PTPDC1: variants seen among roughly 807,000 people sequenced by gnomAD.
The protein encoded by PTPDC1 is protein tyrosine phosphatase domain containing 1, also known as protein tyrosine phosphatase domain-containing protein 1.
Under a neutral mutation model 75.3 loss-of-function variants are expected in PTPDC1, and 53 were observed. That is an observed-to-expected ratio of 0.70 (90% CI 0.56 to 0.88). The LOEUF (loss-of-function observed/expected upper bound fraction) is 0.88, where lower values mean the gene tolerates loss of function less well. Ranked by LOEUF, PTPDC1 falls within the 40% of genes least tolerant of loss-of-function variation. PTPDC1 has a pLI of 0.00. For synonymous variants in PTPDC1, 349 were observed against 366.2 expected (o/e 0.95, Z 0.54); for missense variants, 925 against 998.6 (o/e 0.93, Z 0.99).
chr9:94,068,136 T>C (rs1826380135), intron 2 of PTPDC1, among the ~76,000 whole-genome samples: 1 of 152,172 alleles, frequency 6.6e-6, no homozygotes, highest in Non-Finnish European at 1.5e-5. Flanking sequence ...ATGCCCAGGC[T>C]GTATGATTGT....
chr9:94,035,457 A>G (rs1180735417), intron 1 of PTPDC1, among the ~76,000 whole-genome samples: 2 of 152,214 alleles, frequency 1.3e-5, no homozygotes, highest in African/African-American at 4.8e-5. Context: ...TTCACTTTGC[A>G]TAATGGTCTC....
chr9:94,059,192 A>C (rs1826053656), intron 1 of PTPDC1, among the ~76,000 whole-genome samples: 1 of 152,358 alleles, frequency 6.6e-6, no homozygotes, highest in South Asian at 2.1e-4. Context: ...ATGTGTTCAC[A>C]GATTATATGT....
intron 1 of PTPDC1, among the ~76,000 whole-genome samples, chr9:94,049,073 C>T (rs1454968846): frequency 6.6e-6 from 1 of 152,066 alleles, no homozygotes. Context: ...CTTCCTCCAT[C>T]CTTTTATTTT....
chr9:94,069,602 C>T (rs1826441256), intron 2 of PTPDC1, among the ~76,000 whole-genome samples: 1 of 149,082 alleles, frequency 6.7e-6, no homozygotes, highest in South Asian at 2.1e-4. Context: ...CTCACTGTAA[C>T]CTCCGCCTCC....
At chr9:94,059,142 C>T (rs933258927) in intron 1 of PTPDC1, among the ~76,000 whole-genome samples, 3 of 151,986 alleles carry the variant, frequency 2.0e-5, no homozygotes, top group Non-Finnish European at 4.4e-5. Flanking sequence ...TTACTTAAAG[C>T]GTCACATAGT....
intron 1 of PTPDC1, among the ~76,000 whole-genome samples, chr9:94,048,742 T>G (rs1341889530): frequency 5.3e-5 from 8 of 152,238 alleles, no homozygotes; most frequent in Non-Finnish European, 8.8e-5. Flanking sequence ...AGAGCTCAGT[T>G]CAATTCCTGG....
intron 2 of PTPDC1, among the ~76,000 whole-genome samples, chr9:94,065,548 C>T (rs1375958642): frequency 1.3e-5 from 2 of 152,222 alleles, no homozygotes; most frequent in East Asian, 3.8e-4. Flanking sequence ...GAGTAAGGGT[C>T]TAACTAAAGG....
chr9:94,048,142 T>G (rs1825673770), intron 1 of PTPDC1, among the ~76,000 whole-genome samples: 1 of 152,238 alleles, frequency 6.6e-6, no homozygotes, highest in Non-Finnish European at 1.5e-5. Flanking sequence ...TTGTTGATCT[T>G]TTCAAAAAAC....
At chr9:94,048,414 TC>T (rs1236589361) in intron 1 of PTPDC1, among the ~76,000 whole-genome samples, 1 of 152,110 alleles carries the variant, frequency 6.6e-6, no homozygotes, top group Non-Finnish European at 1.5e-5. Flanking sequence ...GTCTTTGTTC[TC>T]GTTGGTTTCA....
At chr9:94,099,318 C>G (rs368779886) in intron 6 of PTPDC1, among the ~76,000 whole-genome samples, 1 of 152,184 alleles carries the variant, frequency 6.6e-6, no homozygotes, top group Non-Finnish European at 1.5e-5. Context: ...GCCTTATAAA[C>G]CTAGCTATGA....
chr9:94,072,152 C>T (rs1320506125), intron 2 of PTPDC1, among the ~76,000 whole-genome samples: 5 of 152,048 alleles, frequency 3.3e-5, no homozygotes, highest in Non-Finnish European at 7.4e-5. Context: ...GGATTACAGG[C>T]GCCTGCCACC....
intron 3 of PTPDC1, 43 bp downstream of exon 3, chr9:94,087,954 G>GT (rs760611838): frequency 1.3e-6 from 2 of 1,558,762 alleles, no homozygotes; most frequent in South Asian, 1.1e-5. Context: ...AAACTCATGT[G>GT]TTTTTTTCTT....
chr9:94,078,097 T>G (rs952754435), intron 2 of PTPDC1, among the ~76,000 whole-genome samples: 1 of 152,228 alleles, frequency 6.6e-6, no homozygotes, highest in Non-Finnish European at 1.5e-5. Context: ...ATACTGTCTC[T>G]TCTAATTTGC....
chr9:94,080,771 T>A (rs1826849773), upstream of PTPDC1, among the ~76,000 whole-genome samples: 1 of 152,184 alleles, frequency 6.6e-6, no homozygotes, highest in South Asian at 2.1e-4. Context: ...ACATGTCGTT[T>A]TACTGTAAGG....
chr9:94,085,455 T>C (rs189651162), intron 2 of PTPDC1, 33 bp downstream of exon 2: 1 of 1,611,172 alleles, frequency 6.2e-7, no homozygotes, highest in African/African-American at 1.3e-5. Context: ...CATAGCTCTG[T>C]TGGATACAGG....
intron 1 of PTPDC1, among the ~76,000 whole-genome samples, chr9:94,057,821 G>A (rs1825993430): frequency 6.6e-6 from 1 of 152,118 alleles, no homozygotes; most frequent in South Asian, 2.1e-4. Context: ...TGCATATTAG[G>A]CACTATTTCA....
Position 94,097,661 on chromosome 9 carries a change from C to A in PTPDC1, c.1095C>A (p.Ser365=). 6.2e-7 allele frequency: 1 copy of A among 1,614,040 alleles called. No individual in the cohort carries two copies. Among genetic ancestry groups the A allele is most frequent in the Non-Finnish European group, 8.5e-7 (1 of 1,180,006 alleles). ...ENRPVMMKDV[S]EGPGLSAEIE... Reference sequence around the variant, plus strand: ...GGCCAGTGATGATGAAGGATGTGTCCGAAGGACCTGGTCTCTCTGCTGAAA... The same window carrying A: ...GGCCAGTGATGATGAAGGATGTGTCAGAAGGACCTGGTCTCTCTGCTGAAA... The change falls in exon 6 of 9, where the codon TCC becomes TCA. Residue 365 remains serine (S), a synonymous_variant. Transcript: ENST00000620992.
At position 94,097,631 on chromosome 9, in the gene PTPDC1, G is replaced by C; in HGVS notation, c.1065G>C (p.Glu355Asp). 1 of 1,614,044 alleles carries C rather than the reference G, an allele frequency of 6.2e-7. No homozygotes were observed. The highest frequency in any genetic ancestry group is 1.3e-5 in the African/African-American group (1 of 75,052). ...LVCKLLLDLA[E>D]NRPVMMKDVS... is the part of the protein sequence containing the mutation. The stretch of plus-strand genomic sequence containing the variant: ...GCAAATTGCTGCTGGACTTAGCGGA[G>C]AACAGGCCAGTGATGATGAAGGATG... Residue 355 changes from glutamate (E) to aspartate (D), a missense_variant, in exon 6 of 9, where the codon GAG (glutamate) becomes GAC (aspartate). Coordinates refer to ENST00000620992, the MANE Select transcript of PTPDC1 (RefSeq NM_001253829.2).
At chr9:94,072,135 G>A (rs1436189348) in intron 2 of PTPDC1, among the ~76,000 whole-genome samples, 1 of 152,140 alleles carries the variant, frequency 6.6e-6, no homozygotes, top group African/African-American at 2.4e-5. Flanking sequence ...AGCCTCCTGA[G>A]TAGCTGGGAT....
Sources: gnomAD v4.1 joint callset for allele counts (sites outside exome capture counted in the v4.1 genomes callset) on GRCh38, gnomAD v4.1.1 for gene constraint, MANE v1.5 for transcripts, NCBI Gene and HGNC (gene_info 2026-07-23, HGNC 2026-07-21) for gene names.